LSAMP: variants seen among roughly 807,000 people sequenced by gnomAD.
LSAMP encodes limbic system-associated membrane protein.
Under a neutral mutation model 38.6 loss-of-function variants are expected in LSAMP, and 7 were observed. The ratio of observed to expected loss-of-function variants is 0.18; its 90% CI spans 0.10 to 0.34. The LOEUF (loss-of-function observed/expected upper bound fraction) is 0.34. Ranked by LOEUF, LSAMP falls within the 10% of genes least tolerant of loss-of-function variation. The pLI, the probability that LSAMP is intolerant of heterozygous loss-of-function variation, is 1.00. For synonymous variants in LSAMP, 154 were observed against 166.8 expected, an observed-to-expected ratio of 0.92 and a Z score of 0.59; for missense variants, 313 against 420.0, an observed-to-expected ratio of 0.75 and a Z score of 2.23.
intron 3 of LSAMP, among the ~76,000 whole-genome samples, chr3:115,891,844 A>G (rs1017122881): frequency 6.6e-6 from 1 of 151,968 alleles, no homozygotes; most frequent in Non-Finnish European, 1.5e-5. Flanking sequence ...GGCTTCGGTT[A>G]TCTTGGGAAT....
intron 1 of LSAMP, among the ~76,000 whole-genome samples, chr3:116,321,552 GT>G (rs145181305): frequency 5.3e-5 from 8 of 151,814 alleles, no homozygotes; most frequent in African/African-American, 1.5e-4. Context: ...TATTATTCAT[GT>G]TTTTTTTACG....
chr3:115,823,728 G>A (rs1934320854), intron 6 of LSAMP, among the ~76,000 whole-genome samples: 1 of 152,118 alleles, frequency 6.6e-6, no homozygotes. Context: ...ATTACAAGGA[G>A]AATAAATTTT....
At chr3:116,396,031 T>A (rs1213637118) in intron 1 of LSAMP, among the ~76,000 whole-genome samples, 5 of 152,192 alleles carry the variant, frequency 3.3e-5, no homozygotes, top group Admixed American at 6.5e-5. Context: ...TCAAAAGCTA[T>A]GGAATTATAT....
chr3:116,063,934 A>G (rs1941638587), intron 2 of LSAMP, among the ~76,000 whole-genome samples: 1 of 152,170 alleles, frequency 6.6e-6, no homozygotes, highest in South Asian at 2.1e-4. Context: ...ACTTTAAACC[A>G]CTGTTACTTG....
chr3:115,962,749 C>T (rs957320251), intron 3 of LSAMP, among the ~76,000 whole-genome samples: 2 of 152,206 alleles, frequency 1.3e-5, no homozygotes, highest in East Asian at 3.9e-4. Context: ...TTAATTAGAT[C>T]CACAGGACAT....
chr3:116,380,131 T>G (rs1400079003), intron 1 of LSAMP, among the ~76,000 whole-genome samples: 1 of 152,012 alleles, frequency 6.6e-6, no homozygotes, highest in African/African-American at 2.4e-5. Flanking sequence ...CCTCACTGAT[T>G]CATGGTTTTC....
chr3:116,015,899 C>T (rs1179941588), intron 3 of LSAMP, among the ~76,000 whole-genome samples: 1 of 152,140 alleles, frequency 6.6e-6, no homozygotes, highest in Non-Finnish European at 1.5e-5. Flanking sequence ...GAATCTTCCC[C>T]TATCCAGGGC....
At chr3:115,839,644 T>C (rs1367381273) in intron 6 of LSAMP, among the ~76,000 whole-genome samples, 1 of 152,210 alleles carries the variant, frequency 6.6e-6, no homozygotes, top group Non-Finnish European at 1.5e-5. Flanking sequence ...ACCTCCTAAC[T>C]TTCCCATAAA....
intron 5 of LSAMP, 65 bp downstream of exon 5, chr3:115,842,393 T>C (rs2107505132): frequency 6.4e-7 from 1 of 1,565,992 alleles, no homozygotes; most frequent in East Asian, 2.3e-5. Context: ...GGCTTTGTTG[T>C]GGGGATTCTG....
At chr3:116,105,569 G>A (rs1708447052) in intron 1 of LSAMP, among the ~76,000 whole-genome samples, 1 of 152,138 alleles carries the variant, frequency 6.6e-6, no homozygotes, top group Non-Finnish European at 1.5e-5. Context: ...GTCACAAGGT[G>A]CTCAGTGGGG....
chr3:116,426,070 T>C (rs1219292068), intron 1 of LSAMP, among the ~76,000 whole-genome samples: 1 of 151,958 alleles, frequency 6.6e-6, no homozygotes, highest in Non-Finnish European at 1.5e-5. Context: ...AAGAAACAGA[T>C]GAAAAGGTAA....
chr3:116,025,537 T>A (rs1423545789), intron 2 of LSAMP, among the ~76,000 whole-genome samples: 1 of 152,170 alleles, frequency 6.6e-6, no homozygotes, highest in African/African-American at 2.4e-5. Context: ...AACAGTTAAA[T>A]ACTTATCTCA....
rs144025999 is a variant in LSAMP, at chr3:116,107,569, C to T, written c.156-21013G>A. Among the ~76,000 whole-genome samples the T allele has an allele frequency of 1.8e-3, 279 of 152,200 alleles. 5 individuals carry two copies. In the East Asian group the frequency reaches 0.032, roughly 18 times the overall value. On this transcript the variant is annotated intron_variant, in intron 1 of 6. Coordinates refer to ENST00000490035, the MANE Select transcript of LSAMP (RefSeq NM_002338.5). ...AGGGATTGAGGTTTGGGAGATTAAT[C>T]GGACAGGATCAGCAGGGCGAGCATG...
At chr3:116,292,623 T>C (rs1366831425) in intron 1 of LSAMP, among the ~76,000 whole-genome samples, 3 of 152,160 alleles carry the variant, frequency 2.0e-5, no homozygotes, top group African/African-American at 7.2e-5. Context: ...AAATGTACGA[T>C]TTTGTTTATA....
At chr3:116,233,518 A>C (rs1001221930) in intron 1 of LSAMP, among the ~76,000 whole-genome samples, 3 of 151,980 alleles carry the variant, frequency 2.0e-5, no homozygotes, top group African/African-American at 7.2e-5. Context: ...TGAAATACAC[A>C]TTAAATTACT....
chr3:116,137,514 A>G (rs567783270), intron 1 of LSAMP, among the ~76,000 whole-genome samples: 1 of 152,312 alleles, frequency 6.6e-6, no homozygotes, highest in East Asian at 1.9e-4. Flanking sequence ...TACACTAGTT[A>G]CTTTTTCCTT....
Position 115,803,235 on chromosome 3 carries a change from TAGAG to T in LSAMP, c.*7078_*7081del, listed in dbSNP as rs1287276568. 2.6e-5 allele frequency: 4 copies of T among 152,326 alleles called. No individual in the cohort carries two copies. The highest frequency in any genetic ancestry group is 6.5e-5 in the Admixed American group (1 of 15,300). The allele number at this position is 152,326 out of a possible 1,614,324, so 9.4% of individuals were successfully genotyped here. ...CCCATGGACAGGTCATTCTCCCACT[TAGAG>T]AGAGCTTCATAAGTAATCTAAGCAC... On this transcript the variant is annotated 3_prime_UTR_variant, in exon 7 of 7. Transcript: ENST00000490035.
At chr3:115,911,900 T>C (rs1362448936) in intron 3 of LSAMP, among the ~76,000 whole-genome samples, 1 of 152,334 alleles carries the variant, frequency 6.6e-6, no homozygotes, top group East Asian at 1.9e-4. Context: ...TGATCTCTCA[T>C]TGTGGCTTTA....
chr3:115,818,733 TTA>T (rs1328291958), intron 6 of LSAMP, among the ~76,000 whole-genome samples: 3 of 121,548 alleles, frequency 2.5e-5, no homozygotes, highest in Admixed American at 9.2e-5. Flanking sequence ...TCCAAAGAAT[TTA>T]TATATATATA....
Sources: allele counts gnomAD v4.1 joint callset (sites outside exome capture counted in the v4.1 genomes callset), GRCh38; gene constraint gnomAD v4.1.1; transcripts MANE v1.5; gene names NCBI Gene and HGNC (gene_info 2026-07-23, HGNC 2026-07-21).